LRBA: variants seen among roughly 807,000 people sequenced by gnomAD.
The protein encoded by LRBA is lipopolysaccharide-responsive and beige-like anchor protein.
LRBA carries 176 observed loss-of-function variants against 330.0 expected under a neutral mutation model. The observed-to-expected ratio is 0.53, with a 90% CI of 0.47 to 0.60. The LOEUF is 0.60. Ranked by LOEUF, LRBA falls within the 20% of genes least tolerant of loss-of-function variation. LRBA has a pLI of 0.00. For missense variants in LRBA, 3,259 were observed against 3,444.8 expected (o/e 0.95, Z 1.35); for synonymous variants, 1,230 against 1,193.0 (o/e 1.03, Z -0.64).
At chr4:150,951,976 A>T (rs1279817963) in intron 2 of LRBA, among the ~76,000 whole-genome samples, 1 of 152,244 alleles carries the variant, frequency 6.6e-6, no homozygotes, top group African/African-American at 2.4e-5. Flanking sequence ...AATGAAATTA[A>T]AGTCTAATAA....
chr4:150,934,634 G>A (rs1317268991), intron 2 of LRBA, among the ~76,000 whole-genome samples: 1 of 152,158 alleles, frequency 6.6e-6, no homozygotes, highest in Non-Finnish European at 1.5e-5. Context: ...CACTTTGGGA[G>A]GCAAAGGTGG....
chr4:150,323,025 G>GTGTGTGTGTGTTGTGTGTT, intron 49 of LRBA, among the ~76,000 whole-genome samples: 1 of 142,642 alleles, frequency 7.0e-6, no homozygotes, highest in East Asian at 2.0e-4. Flanking sequence ...GTGTGTGTGT[G>GTGTGTGTGTGTTGTGTGTT]GGGATGCATT....
At chr4:150,422,836 C>T in intron 46 of LRBA, 1 of 1,427,942 alleles carries the variant, frequency 7.0e-7, no homozygotes, top group South Asian at 1.1e-5. Flanking sequence ...TGCAGCCAGG[C>T]TGTACTGAAC....
At chr4:150,989,747 G>A (rs1377213196) in intron 2 of LRBA, among the ~76,000 whole-genome samples, 3 of 151,420 alleles carry the variant, frequency 2.0e-5, no homozygotes, top group Non-Finnish European at 4.4e-5. Context: ...AAAGAAAGAA[G>A]GAAATAAAAA....
Position 150,863,021 on chromosome 4 carries a change from G to A in LRBA, c.2766+4650C>T, listed in dbSNP as rs115574333. Among the ~76,000 whole-genome samples the A allele has an allele frequency of 4.2e-3, 644 of 151,962 alleles. 4 individuals are homozygous for A. The highest frequency in any genetic ancestry group is 0.015 in the African/African-American group (619 of 41,416). On this transcript the variant is annotated intron_variant, in intron 22 of 56. Coordinates refer to ENST00000651943, the MANE Select transcript of LRBA (RefSeq NM_001364905.1). ...ACACACACACACACACATTCTAACCGGGTGTGTGGCTCATGCTTATAATCC... is the reference window on the plus strand; with the variant it reads ...ACACACACACACACACATTCTAACCAGGTGTGTGGCTCATGCTTATAATCC...
At chr4:150,691,188 C>T (rs888484492) in intron 36 of LRBA, among the ~76,000 whole-genome samples, 6 of 151,986 alleles carry the variant, frequency 3.9e-5, no homozygotes, top group South Asian at 2.1e-4. Flanking sequence ...CCTTGGCCTC[C>T]CAAAGTGCTG....
intron 2 of LRBA, among the ~76,000 whole-genome samples, chr4:150,946,077 C>T (rs1326449997): frequency 6.6e-6 from 1 of 152,034 alleles, no homozygotes; most frequent in Non-Finnish European, 1.5e-5. Context: ...GGATTATAGG[C>T]GTGAGCCACC....
At chr4:150,480,294 T>C (rs1757153767) in intron 42 of LRBA, among the ~76,000 whole-genome samples, 1 of 152,142 alleles carries the variant, frequency 6.6e-6, no homozygotes, top group Non-Finnish European at 1.5e-5. Context: ...CAGAGACTTA[T>C]TAGGTTACTT....
chr4:150,477,279 A>T (rs909162431), intron 42 of LRBA, among the ~76,000 whole-genome samples: 2 of 152,132 alleles, frequency 1.3e-5, no homozygotes, highest in African/African-American at 2.4e-5. Context: ...TATCATGTCA[A>T]ATTGTGTATT....
At chr4:150,642,595 C>T (rs1221026885) in intron 37 of LRBA, among the ~76,000 whole-genome samples, 1 of 151,824 alleles carries the variant, frequency 6.6e-6, no homozygotes, top group Non-Finnish European at 1.5e-5. Context: ...TTATGTGAAA[C>T]ATGGCAATAT....
At chr4:150,694,913 C>T (rs1561524796) in intron 36 of LRBA, among the ~76,000 whole-genome samples, 1 of 150,752 alleles carries the variant, frequency 6.6e-6, no homozygotes, top group African/African-American at 2.4e-5. Flanking sequence ...GTTTCAAATG[C>T]TTTTTTTTTC....
intron 37 of LRBA, among the ~76,000 whole-genome samples, chr4:150,636,301 A>C (rs960205927): frequency 1.3e-5 from 2 of 151,086 alleles, no homozygotes; most frequent in African/African-American, 4.9e-5. Flanking sequence ...TATTAGTATG[A>C]TCTTCTATTT....
chr4:150,869,407 G>A (rs1413200661), intron 20 of LRBA, among the ~76,000 whole-genome samples: 2 of 152,118 alleles, frequency 1.3e-5, no homozygotes, highest in Non-Finnish European at 2.9e-5. Flanking sequence ...GCTTAAATTA[G>A]GCCAGGCACA....
At chr4:150,984,354 A>G (rs1741189440) in intron 2 of LRBA, among the ~76,000 whole-genome samples, 1 of 152,186 alleles carries the variant, frequency 6.6e-6, no homozygotes, top group Admixed American at 6.5e-5. Flanking sequence ...TACTAAAAAT[A>G]CAAAATTAGC....
intron 40 of LRBA, among the ~76,000 whole-genome samples, chr4:150,511,696 G>A (rs2152136878): frequency 6.6e-6 from 1 of 152,308 alleles, no homozygotes; most frequent in Middle Eastern, 3.4e-3. Flanking sequence ...AGTTATTTCA[G>A]CTAACTCTCA....
At chr4:150,953,004 C>A (rs1270982498) in intron 2 of LRBA, among the ~76,000 whole-genome samples, 1 of 152,148 alleles carries the variant, frequency 6.6e-6, no homozygotes, top group Non-Finnish European at 1.5e-5. Flanking sequence ...TACTACCTCC[C>A]CAACTGTTTC....
chr4:150,988,001 C>CAAAAAAAAAAAAAAAAAA (rs545392419), intron 2 of LRBA, among the ~76,000 whole-genome samples: 1 of 68,558 alleles, frequency 1.5e-5, no homozygotes, highest in Non-Finnish European at 3.0e-5. Flanking sequence ...GACTCCGTCT[C>CAAAAAAAAAAAAAAAAAA]AAAAAAAAAA....
intron 50 of LRBA, among the ~76,000 whole-genome samples, chr4:150,320,857 A>G (rs1732405205): frequency 1.3e-5 from 2 of 152,194 alleles, no homozygotes; most frequent in Admixed American, 1.3e-4. Flanking sequence ...AAGTAAAATG[A>G]AAGTAAAAAA....
intron 33 of LRBA, among the ~76,000 whole-genome samples, chr4:150,799,606 G>A (rs574576675): frequency 2.6e-5 from 4 of 152,298 alleles, no homozygotes; most frequent in South Asian, 2.1e-4. Flanking sequence ...ATTGGGCCCT[G>A]ATGGGCCCTT....
Sources: gnomAD v4.1 joint callset for allele counts (sites outside exome capture counted in the v4.1 genomes callset) on GRCh38, gnomAD v4.1.1 for gene constraint, MANE v1.5 for transcripts, NCBI Gene and HGNC (gene_info 2026-07-23, HGNC 2026-07-21) for gene names.